RBFOX1: variants seen among roughly 807,000 people sequenced by gnomAD.
RBFOX1 encodes the protein RNA binding fox-1 homolog 1, also known as RNA binding protein fox-1 homolog 1.
RBFOX1 carries 8 observed loss-of-function variants against 57.7 expected under a neutral mutation model. The observed-to-expected ratio is 0.14, with a 90% CI of 0.08 to 0.25. The LOEUF (loss-of-function observed/expected upper bound fraction) is 0.25, where lower values mean the gene tolerates loss of function less well. Ranked by LOEUF, RBFOX1 falls within the 10% of genes least tolerant of loss-of-function variation. RBFOX1 has a pLI of 1.00. For missense variants in RBFOX1, 611 were observed against 548.5 expected (o/e 1.11, Z -1.14); for synonymous variants, 326 against 222.4 (o/e 1.47, Z -4.15).
intron 3 of RBFOX1, among the ~76,000 whole-genome samples, chr16:6,864,625 A>C (rs965629781): frequency 6.6e-6 from 1 of 151,834 alleles, no homozygotes; most frequent in African/African-American, 2.4e-5. Context: ...TTGAGAATCA[A>C]GGATCTGATT....
At chr16:5,870,973 C>T (rs991912263) in intron 4 of RBFOX1, among the ~76,000 whole-genome samples, 2 of 152,134 alleles carry the variant, frequency 1.3e-5, no homozygotes, top group Non-Finnish European at 2.9e-5. Flanking sequence ...GACAAACCCA[C>T]AGAATCAGTG....
intron 1 of RBFOX1, among the ~76,000 whole-genome samples, chr16:5,431,824 G>A (rs7185542): frequency 0.56 from 84,559 of 152,014 alleles, 23,701 homozygotes; most frequent in East Asian, 0.68. Context: ...ACCCAGTGCT[G>A]TTTGTCCCCC....
At chr16:6,564,453 C>T (rs1005217297) in intron 2 of RBFOX1, among the ~76,000 whole-genome samples, 1 of 147,394 alleles carries the variant, frequency 6.8e-6, no homozygotes, top group African/African-American at 2.5e-5. Flanking sequence ...GAGTGAGACT[C>T]TGTCTCAAAA....
At chr16:6,138,815 C>G (rs185345208) in intron 1 of RBFOX1, among the ~76,000 whole-genome samples, 1 of 152,066 alleles carries the variant, frequency 6.6e-6, no homozygotes, top group Non-Finnish European at 1.5e-5. Flanking sequence ...TGCAGTGAGC[C>G]GAGATTGCGC....
intron 1 of RBFOX1, among the ~76,000 whole-genome samples, chr16:5,256,525 T>C (rs1314155933): frequency 2.0e-5 from 3 of 152,210 alleles, no homozygotes; most frequent in African/African-American, 7.2e-5. Flanking sequence ...AGATGGCAGA[T>C]GAGAGCTCTT....
chr16:7,242,654 G>T (rs1308315292), intron 4 of RBFOX1, among the ~76,000 whole-genome samples: 2 of 152,204 alleles, frequency 1.3e-5, no homozygotes, highest in Non-Finnish European at 2.9e-5. Context: ...AGTCAATTCA[G>T]TCCAACATCC....
intron 3 of RBFOX1, among the ~76,000 whole-genome samples, chr16:6,739,050 C>A (rs186131453): frequency 3.0e-4 from 45 of 152,010 alleles, no homozygotes; most frequent in Middle Eastern, 3.4e-3. Flanking sequence ...ATTCTAAAAT[C>A]AATAATGTAA....
chr16:5,823,142 T>C (rs2055914443), intron 3 of RBFOX1, among the ~76,000 whole-genome samples: 1 of 152,134 alleles, frequency 6.6e-6, no homozygotes, highest in African/African-American at 2.4e-5. Flanking sequence ...ACCCTGAGGA[T>C]CCTGGAGGAC....
chr16:7,529,061 C>G (rs1247907612), intron 5 of RBFOX1, among the ~76,000 whole-genome samples: 4 of 152,160 alleles, frequency 2.6e-5, no homozygotes, highest in African/African-American at 7.2e-5. Flanking sequence ...TGATTCAAGA[C>G]CAGCCTGGTC....
intron 1 of RBFOX1, among the ~76,000 whole-genome samples, chr16:6,036,714 T>G (rs949234503): frequency 3.9e-5 from 6 of 152,200 alleles, no homozygotes; most frequent in Non-Finnish European, 8.8e-5. Flanking sequence ...TTTCCTCTTC[T>G]GAGAAAGGAA....
intron 4 of RBFOX1, among the ~76,000 whole-genome samples, chr16:5,955,291 TAAAATAAAATAAA>T (rs1567187391): frequency 1.0e-4 from 2 of 19,158 alleles, no homozygotes; most frequent in African/African-American, 6.8e-4. Context: ...CCCAATAAAA[TAAAATAAAATAAA>T]ATAAAATAAA....
intron 4 of RBFOX1, among the ~76,000 whole-genome samples, chr16:7,398,591 C>G (rs2098181658): frequency 6.6e-6 from 1 of 152,236 alleles, no homozygotes; most frequent in African/African-American, 2.4e-5. Flanking sequence ...CAAATGCCAC[C>G]TTCAATCTCT....
chr16:7,427,728 A>G (rs1432571961), intron 4 of RBFOX1, among the ~76,000 whole-genome samples: 1 of 150,524 alleles, frequency 6.6e-6, no homozygotes. Context: ...ATCTCACCTC[A>G]CTGCAAACTC....
chr16:7,620,176 C>T (rs1484576881), intron 10 of RBFOX1, among the ~76,000 whole-genome samples: 1 of 152,182 alleles, frequency 6.6e-6, no homozygotes, highest in Non-Finnish European at 1.5e-5. Context: ...ATAATAATTG[C>T]TATTTCCATG....
chr16:5,641,507 G>C (rs962013664), intron 3 of RBFOX1, among the ~76,000 whole-genome samples: 1 of 152,226 alleles, frequency 6.6e-6, no homozygotes, highest in African/African-American at 2.4e-5. Flanking sequence ...AGAGATAGCT[G>C]TTACTCAGGT....
intron 4 of RBFOX1, among the ~76,000 whole-genome samples, chr16:7,142,002 C>CTCCTTCTTCT (rs2073916653): frequency 1.4e-5 from 1 of 71,970 alleles, no homozygotes; most frequent in African/African-American, 2.9e-5. Context: ...CTTCTTCTTC[C>CTCCTTCTTCT]TCCTTCTTCT....
chr16:6,900,904 C>A (rs192557169), intron 3 of RBFOX1, among the ~76,000 whole-genome samples: 24 of 152,276 alleles, frequency 1.6e-4, no homozygotes, highest in African/African-American at 5.5e-4. Context: ...TGCTAGATCC[C>A]CAGCATTTTG....
At chr16:6,663,195 G>GAT (rs2098712011) in intron 3 of RBFOX1, among the ~76,000 whole-genome samples, 1 of 152,126 alleles carries the variant, frequency 6.6e-6, no homozygotes, top group African/African-American at 2.4e-5. Flanking sequence ...CAAGAGACTG[G>GAT]ATAAGTCCTA....
At chr16:6,959,656 G>T (rs1162147107) in intron 3 of RBFOX1, among the ~76,000 whole-genome samples, 1 of 152,122 alleles carries the variant, frequency 6.6e-6, no homozygotes, top group African/African-American at 2.4e-5. Context: ...AAAAGCTGAG[G>T]CTGGGCGTAA....
Sources: allele counts gnomAD v4.1 joint callset (sites outside exome capture counted in the v4.1 genomes callset), GRCh38; gene constraint gnomAD v4.1.1; transcripts MANE v1.5; gene names NCBI Gene and HGNC (gene_info 2026-07-23, HGNC 2026-07-21).